The following CNTNAP2 variants were observed in gnomAD, a reference collection of about 807,000 sequenced individuals.
CNTNAP2 encodes contactin-associated protein-like 2.
In CNTNAP2, 98 loss-of-function variants were observed where a neutral mutation model predicts 155.2. The observed-to-expected ratio is 0.63, with a 90% CI of 0.54 to 0.75. CNTNAP2 has a LOEUF of 0.75. Ranked by LOEUF, CNTNAP2 falls within the 30% of genes least tolerant of loss-of-function variation. CNTNAP2 has a pLI of 0.00. For missense variants in CNTNAP2, 1,727 were observed against 1,688.1 expected, an observed-to-expected ratio of 1.02 and a Z score of -0.40; for synonymous variants, 651 against 631.2, an observed-to-expected ratio of 1.03 and a Z score of -0.47.
chr7:147,376,024 CT>C lies in CNTNAP2; in HGVS notation c.1499-19581del, dbSNP rs1302631005. Among the ~76,000 whole-genome samples the C allele has an allele frequency of 2.0e-5, 3 of 152,060 alleles. No individual in the cohort carries two copies. In the East Asian group the frequency reaches 5.8e-4, roughly 29 times the overall value. ...TGTATGACATTGGGGCTGAGGATAG[CT>C]TTTGTGGTTGGGAAGAAGTATGATA... On this transcript the variant is annotated intron_variant, in intron 9 of 23. Transcript: ENST00000361727.
chr7:148,132,742 G>A (rs957460840), intron 16 of CNTNAP2, among the ~76,000 whole-genome samples: 7 of 152,310 alleles, frequency 4.6e-5, no homozygotes, highest in Admixed American at 3.3e-4. Context: ...GTCAAATCAC[G>A]GTCCTGCCTC....
intron 1 of CNTNAP2, among the ~76,000 whole-genome samples, chr7:146,664,601 T>C (rs758562164): frequency 6.6e-6 from 1 of 152,222 alleles, no homozygotes; most frequent in Non-Finnish European, 1.5e-5. Flanking sequence ...TATATTGATC[T>C]GTAGTTTTCT....
At chr7:148,041,839 A>G (rs939587354) in intron 15 of CNTNAP2, among the ~76,000 whole-genome samples, 1 of 152,256 alleles carries the variant, frequency 6.6e-6, no homozygotes, top group Admixed American at 6.5e-5. Context: ...AAAAAAAGGT[A>G]GAATGAGATA....
chr7:146,664,800 A>G (rs1158398288), intron 1 of CNTNAP2, among the ~76,000 whole-genome samples: 9 of 152,202 alleles, frequency 5.9e-5, no homozygotes, highest in Non-Finnish European at 8.8e-5. Context: ...AGTTAAACCA[A>G]TAATTTATTT....
Position 146,839,837 on chromosome 7 carries a change from A to G in CNTNAP2, c.335A>G (p.Gln112Arg). The change falls in exon 3 of 24, where the codon CAA (glutamine) becomes CGA (arginine). Residue 112 changes from glutamine (Q) to arginine (R), a missense_variant. Physicochemically the swap from Gln to Arg is conservative, Grantham distance 43. Transcript: ENST00000361727. The stretch of plus-strand genomic sequence containing the variant: ...TATAGCAGCTCAGATTGGGTGACCC[A>G]ATACCGGATGCTCTACAGCGACACA... ...GRYSSSDWVT[Q>R]YRMLYSDTGR... is the part of the protein sequence containing the mutation. 2 of 1,614,116 alleles carry G rather than the reference A, an allele frequency of 1.2e-6. No homozygotes were observed. Among genetic ancestry groups the G allele is most frequent in the African/African-American group, 1.3e-5 (1 of 75,024 alleles).
chr7:146,414,463 C>A (rs907300534), intron 1 of CNTNAP2, among the ~76,000 whole-genome samples: 1 of 152,106 alleles, frequency 6.6e-6, no homozygotes, highest in Non-Finnish European at 1.5e-5. Flanking sequence ...TGCTGCCTTC[C>A]CCAGCAGCAG....
chr7:147,068,650 C>T (rs1799830929), intron 4 of CNTNAP2, among the ~76,000 whole-genome samples: 1 of 152,174 alleles, frequency 6.6e-6, no homozygotes, highest in African/African-American at 2.4e-5. Context: ...AGCCACTGCG[C>T]TTGGCCACAA....
At chr7:148,221,247 G>C (rs918976343) in intron 19 of CNTNAP2, among the ~76,000 whole-genome samples, 1 of 152,162 alleles carries the variant, frequency 6.6e-6, no homozygotes, top group African/African-American at 2.4e-5. Context: ...ATGGTGCCAT[G>C]CATTAATTCC....
chr7:147,286,579 A>G (rs1357068491), intron 8 of CNTNAP2, among the ~76,000 whole-genome samples: 1 of 152,146 alleles, frequency 6.6e-6, no homozygotes, highest in East Asian at 1.9e-4. Context: ...GGTGCAATTA[A>G]AGAATGATGA....
At chr7:146,857,299 G>A (rs985627883) in intron 3 of CNTNAP2, among the ~76,000 whole-genome samples, 3 of 151,902 alleles carry the variant, frequency 2.0e-5, no homozygotes, top group African/African-American at 4.8e-5. Context: ...AAGGACAAGT[G>A]TTCCTTATAC....
chr7:147,311,838 T>A (rs531580052), intron 9 of CNTNAP2, among the ~76,000 whole-genome samples: 1 of 152,294 alleles, frequency 6.6e-6, no homozygotes, highest in Admixed American at 6.5e-5. Context: ...AATATTCTTA[T>A]ATGTACAGAA....
At chr7:146,905,146 C>T (rs1796091989) in intron 3 of CNTNAP2, among the ~76,000 whole-genome samples, 1 of 152,034 alleles carries the variant, frequency 6.6e-6, no homozygotes, top group South Asian at 2.1e-4. Context: ...CGCCCCTACT[C>T]ACGTTGTGAC....
chr7:148,186,241 A>G (rs984024850), intron 18 of CNTNAP2, among the ~76,000 whole-genome samples: 7 of 152,252 alleles, frequency 4.6e-5, no homozygotes, highest in African/African-American at 1.7e-4. Context: ...TATGCCAGGC[A>G]CTGAACTAAG....
chr7:147,700,694 G>A (rs571823036), intron 13 of CNTNAP2, among the ~76,000 whole-genome samples: 1 of 152,308 alleles, frequency 6.6e-6, no homozygotes, highest in Non-Finnish European at 1.5e-5. Flanking sequence ...TGCTCCCACA[G>A]TGCTATACTG....
rs369505253 is a variant in CNTNAP2 at position 146,669,109 on chromosome 7, G to T, written c.98-105162G>T. Among the ~76,000 whole-genome samples, 3 of 152,102 alleles carry T rather than the reference G, an allele frequency of 2.0e-5. No homozygotes were observed. In the East Asian group the frequency reaches 5.8e-4, roughly 29 times the overall value. ...AATGATTCAGGAAAACTTAAGAAACGTAAGGGTTAATTATGCCACTAATTA... is the reference window on the plus strand; with the variant it reads ...AATGATTCAGGAAAACTTAAGAAACTTAAGGGTTAATTATGCCACTAATTA... On this transcript the variant is annotated intron_variant, in intron 1 of 23. Transcript: ENST00000361727.
intron 21 of CNTNAP2, among the ~76,000 whole-genome samples, chr7:148,269,234 GA>G (rs879720663): frequency 2.1e-4 from 32 of 152,260 alleles, no homozygotes; most frequent in African/African-American, 3.6e-4. Context: ...AACATGTATT[GA>G]TCACTGAGCC....
chr7:148,326,596 G>A (rs757548109), intron 21 of CNTNAP2, among the ~76,000 whole-genome samples: 4 of 152,128 alleles, frequency 2.6e-5, no homozygotes, highest in African/African-American at 4.8e-5. Context: ...GCCGGGCATG[G>A]TGGCTCACGC....
intron 15 of CNTNAP2, among the ~76,000 whole-genome samples, chr7:148,021,050 A>G (rs1563169896): frequency 6.6e-6 from 1 of 152,130 alleles, no homozygotes; most frequent in Non-Finnish European, 1.5e-5. Flanking sequence ...TTTCATTAGC[A>G]CCTGTTTTGT....
chr7:147,444,780 A>G (rs1797703965), intron 10 of CNTNAP2, among the ~76,000 whole-genome samples: 1 of 152,136 alleles, frequency 6.6e-6, no homozygotes, highest in South Asian at 2.1e-4. Context: ...AGTGAGTGAA[A>G]GTAAAGGATG....
Sources: allele counts gnomAD v4.1 joint callset (sites outside exome capture counted in the v4.1 genomes callset), GRCh38; gene constraint gnomAD v4.1.1; transcripts MANE v1.5; gene names NCBI Gene and HGNC (gene_info 2026-07-23, HGNC 2026-07-21).